Variants in GDPD4 observed in about 807,000 individuals in gnomAD.
GDPD4 encodes glycerophosphodiester phosphodiesterase domain containing 4.
A neutral mutation model predicts 67.8 loss-of-function variants in GDPD4; 60 were observed. That is an observed-to-expected ratio of 0.88 (90% CI 0.72 to 1.10). GDPD4 has a LOEUF of 1.10. Among genes scored for constraint, GDPD4 ranks in the 50% least tolerant of loss-of-function variants. The probability of loss-of-function intolerance (pLI) is 0.00; values close to 1 mark genes in which losing one functional copy is unlikely to be tolerated. For missense variants in GDPD4, 623 were observed against 613.9 expected (o/e 1.01, Z -0.16); for synonymous variants, 212 against 210.9 (o/e 1.00, Z -0.04).
At chr11:77,294,128 G>C (rs962865515) in intron 1 of GDPD4, among the ~76,000 whole-genome samples, 5 of 152,072 alleles carry the variant, frequency 3.3e-5, no homozygotes, top group African/African-American at 1.2e-4. Context: ...TTTACATCAC[G>C]AAACAGCAAA....
chr11:77,248,128 GGAAAC>G, intron 11 of GDPD4, among the ~76,000 whole-genome samples: 2 of 150,494 alleles, frequency 1.3e-5, no homozygotes, highest in Non-Finnish European at 3.0e-5. Flanking sequence ...GCCACATCAA[GGAAAC>G]ATTCCACTGA....
chr11:77,252,316 G>A (rs1266111833), intron 11 of GDPD4, among the ~76,000 whole-genome samples: 6 of 151,906 alleles, frequency 3.9e-5, no homozygotes, highest in African/African-American at 1.2e-4. Flanking sequence ...CAGCCGCCTC[G>A]GCCTCCCAAA....
At chr11:77,256,029 C>T (rs1958997761) in intron 11 of GDPD4, among the ~76,000 whole-genome samples, 1 of 152,138 alleles carries the variant, frequency 6.6e-6, no homozygotes, top group African/African-American at 2.4e-5. Context: ...TGAGAAACAA[C>T]TGTTGTCTTT....
At position 77,226,055 on chromosome 11, in the gene GDPD4, T is replaced by C. The variant is rs1487296136; in HGVS notation, c.1525+1809A>G. On this transcript the variant is annotated intron_variant, in intron 16 of 16. Coordinates refer to ENST00000315938, the MANE Select transcript of GDPD4 (RefSeq NM_182833.3). ...AGAGCTCTTAAAAACAGAAAATCCT[T>C]CATTTATTTTCTACTCACCTTTTCT... is the stretch of plus-strand genomic sequence containing the variant. Among the ~76,000 whole-genome samples the C allele has an allele frequency of 3.9e-5, 6 of 152,190 alleles. No homozygotes were observed. The South Asian group carries it at 1.2e-3, about 32-fold the overall frequency.
chr11:77,220,504 C>T (rs1176400337), intron 16 of GDPD4, among the ~76,000 whole-genome samples: 6 of 152,184 alleles, frequency 3.9e-5, no homozygotes, highest in African/African-American at 9.6e-5. Context: ...TGATGGATTA[C>T]ATTTATTGAT....
intron 7 of GDPD4, among the ~76,000 whole-genome samples, chr11:77,270,334 G>GT (rs1427314969): frequency 2.6e-5 from 4 of 152,220 alleles, no homozygotes; most frequent in Admixed American, 2.6e-4. Flanking sequence ...ACCTTCTGCT[G>GT]TAAGTCCTCA....
At chr11:77,233,381 C>G (rs1015071273) in intron 13 of GDPD4, among the ~76,000 whole-genome samples, 2 of 130,476 alleles carry the variant, frequency 1.5e-5, no homozygotes, top group African/African-American at 5.9e-5. Context: ...CCTGTAGCAA[C>G]AGTGGTGTGC....
At chr11:77,276,136 T>A (rs764590057) in intron 5 of GDPD4, 25 bp downstream of exon 5, 1 of 1,585,744 alleles carries the variant, frequency 6.3e-7, no homozygotes, top group Admixed American at 1.7e-5. Flanking sequence ...GTCTAAGGTT[T>A]CCTATGTGGA....
intron 10 of GDPD4, among the ~76,000 whole-genome samples, chr11:77,260,966 G>C (rs1959104344): frequency 6.6e-6 from 1 of 152,010 alleles, no homozygotes; most frequent in African/African-American, 2.4e-5. Context: ...AAAAAAGAAG[G>C]GAGGTGCAGA....
chr11:77,251,053 G>A (rs1958885495), intron 11 of GDPD4, among the ~76,000 whole-genome samples: 1 of 152,076 alleles, frequency 6.6e-6, no homozygotes, highest in Admixed American at 6.6e-5. Flanking sequence ...GGCAAAGTGA[G>A]TTTTTTGTAG....
At chr11:77,299,645 C>T (rs1938094170) in intron 1 of GDPD4, among the ~76,000 whole-genome samples, 1 of 152,142 alleles carries the variant, frequency 6.6e-6, no homozygotes, top group Admixed American at 6.5e-5. Context: ...GTCACTCAAC[C>T]AGGTTGGCCT....
chr11:77,228,308 CCAATATGGTGAAA>C (rs72204962), intron 15 of GDPD4, among the ~76,000 whole-genome samples: 3,550 of 151,704 alleles, frequency 0.023, 145 homozygotes, highest in African/African-American at 0.081. Context: ...ACCAGCCTGA[CCAATATGGTGAAA>C]CCCCACCTCT....
At chr11:77,285,766 G>T (rs1283987286) in intron 2 of GDPD4, among the ~76,000 whole-genome samples, 1 of 152,078 alleles carries the variant, frequency 6.6e-6, no homozygotes, top group Non-Finnish European at 1.5e-5. Flanking sequence ...GCAGAAGAAA[G>T]CTCAGAGAGG....
At chr11:77,257,218 A>C (rs926111964) in intron 11 of GDPD4, among the ~76,000 whole-genome samples, 1 of 152,096 alleles carries the variant, frequency 6.6e-6, no homozygotes, top group African/African-American at 2.4e-5. Flanking sequence ...TGAGATGTTT[A>C]TTTTCAAAAT....
chr11:77,227,787 A>G, intron 16 of GDPD4, 77 bp downstream of exon 16: 1 of 960,996 alleles, frequency 1.0e-6, no homozygotes, highest in South Asian at 1.3e-5. Context: ...TGTCAGGGAC[A>G]TGAAAAGCTG....
chr11:77,233,602 C>T (rs536523023), intron 13 of GDPD4, among the ~76,000 whole-genome samples: 1 of 152,232 alleles, frequency 6.6e-6, no homozygotes, highest in East Asian at 1.9e-4. Flanking sequence ...TAATAACAAG[C>T]TGGTATGAGC....
chr11:77,300,873 C>CAT (rs527775241), intron 1 of GDPD4, among the ~76,000 whole-genome samples: 478 of 152,224 alleles, frequency 3.1e-3, no homozygotes, highest in African/African-American at 0.011. Context: ...GAAACTACTG[C>CAT]ATATATATAG....
At chr11:77,234,046 C>T (rs1958504172) in intron 13 of GDPD4, among the ~76,000 whole-genome samples, 1 of 152,050 alleles carries the variant, frequency 6.6e-6, no homozygotes, top group African/African-American at 2.4e-5. Context: ...CATGTAAATG[C>T]CTTCAAAAAA....
At chr11:77,298,994 G>A (rs146185768) in intron 1 of GDPD4, among the ~76,000 whole-genome samples, 99 of 152,032 alleles carry the variant, frequency 6.5e-4, no homozygotes, top group African/African-American at 2.3e-3. Context: ...GGTTTGTAGG[G>A]CATGACTCCC....
Sources: allele counts gnomAD v4.1 joint callset (sites outside exome capture counted in the v4.1 genomes callset), GRCh38; gene constraint gnomAD v4.1.1; transcripts MANE v1.5; gene names NCBI Gene and HGNC (gene_info 2026-07-23, HGNC 2026-07-21).